Variants in FHIT observed in about 807,000 individuals in gnomAD.
The protein encoded by FHIT is bis(5'-adenosyl)-triphosphatase.
Under a neutral mutation model 17.9 loss-of-function variants are expected in FHIT, and 19 were observed. That is an observed-to-expected ratio of 1.06 (90% confidence interval 0.74 to 1.56). The LOEUF is 1.56. Among genes scored for constraint, FHIT ranks in the 40% most tolerant of loss-of-function variants. The probability of loss-of-function intolerance (pLI) is 0.00; values close to 1 mark genes in which losing one functional copy is unlikely to be tolerated. For synonymous variants in FHIT, 81 were observed against 69.7 expected (o/e 1.16, Z -0.81); for missense variants, 248 against 189.2 (o/e 1.31, Z -1.82).
chr3:60,672,874 C>CATGTGTGTGT (rs71092628), intron 4 of FHIT, among the ~76,000 whole-genome samples: 13,640 of 139,450 alleles, frequency 0.098, 1,219 homozygotes, highest in African/African-American at 0.22. Context: ...CTCTTTGTAG[C>CATGTGTGTGT]GTGTGTGTGT....
At chr3:60,123,246 A>G (rs941612682) in intron 5 of FHIT, among the ~76,000 whole-genome samples, 2 of 152,224 alleles carry the variant, frequency 1.3e-5, no homozygotes, top group Non-Finnish European at 2.9e-5. Flanking sequence ...AGTAGTACAA[A>G]TGAGAAGCAC....
At chr3:60,172,802 G>A (rs1019950940) in intron 5 of FHIT, among the ~76,000 whole-genome samples, 1 of 152,118 alleles carries the variant, frequency 6.6e-6, no homozygotes, top group Non-Finnish European at 1.5e-5. Context: ...CAGGAAAGAG[G>A]TCTTCTGTCT....
intron 7 of FHIT, among the ~76,000 whole-genome samples, chr3:59,964,283 T>C (rs1427911976): frequency 6.6e-6 from 1 of 152,188 alleles, no homozygotes; most frequent in Non-Finnish European, 1.5e-5. Context: ...TGAAATTAGC[T>C]TGAAATTTGG....
intron 2 of FHIT, among the ~76,000 whole-genome samples, chr3:61,101,845 GCTCT>G (rs750459065): frequency 1.3e-4 from 20 of 151,970 alleles, no homozygotes; most frequent in Non-Finnish European, 2.5e-4. Context: ...TTATGATTTA[GCTCT>G]CTGTTTGTCT....
At position 61,072,504 on chromosome 3, in the gene FHIT, C is replaced by T. The variant is rs541340812; in HGVS notation, c.-163-30405G>A. 4.6e-5 allele frequency among the ~76,000 whole-genome samples: 7 copies of T among 152,238 alleles called. No homozygotes were observed. The South Asian group carries it at 1.0e-3, about 23-fold the overall frequency. On this transcript the variant is annotated intron_variant, in intron 2 of 9. Coordinates refer to ENST00000492590, the MANE Select transcript of FHIT (RefSeq NM_002012.4). ...CACCCAGAAGGATGAGTATTCATTGCCGTTTCTGGCCTTCAGACACTGAGG... is the reference window on the plus strand; with the variant it reads ...CACCCAGAAGGATGAGTATTCATTGTCGTTTCTGGCCTTCAGACACTGAGG...
chr3:60,830,063 C>G (rs1702278451), intron 3 of FHIT, among the ~76,000 whole-genome samples: 1 of 152,104 alleles, frequency 6.6e-6, no homozygotes, highest in Non-Finnish European at 1.5e-5. Context: ...CTGGGCATCC[C>G]TCCACAACTG....
intron 2 of FHIT, among the ~76,000 whole-genome samples, chr3:61,182,641 C>G (rs1028833659): frequency 1.3e-5 from 2 of 152,064 alleles, no homozygotes; most frequent in Non-Finnish European, 2.9e-5. Context: ...TGATAGAATT[C>G]TCAACACCCC....
At chr3:60,340,847 A>G (rs1710479955) in intron 5 of FHIT, among the ~76,000 whole-genome samples, 2 of 152,026 alleles carry the variant, frequency 1.3e-5, no homozygotes, top group African/African-American at 4.8e-5. Flanking sequence ...ATCTGGGACC[A>G]TGCCTGGCTA....
intron 5 of FHIT, among the ~76,000 whole-genome samples, chr3:60,118,035 C>A (rs550211282): frequency 3.3e-5 from 5 of 152,248 alleles, no homozygotes; most frequent in Admixed American, 6.5e-5. Context: ...GAGTTTGAGA[C>A]CAAGGATATT....
intron 3 of FHIT, among the ~76,000 whole-genome samples, chr3:60,893,697 C>G (rs12489327): frequency 6.6e-6 from 1 of 152,162 alleles, no homozygotes; most frequent in East Asian, 1.9e-4. Context: ...TCCTTAATGC[C>G]TAATGACTGC....
At chr3:60,958,879 T>C (rs1709288827) in intron 3 of FHIT, among the ~76,000 whole-genome samples, 1 of 152,186 alleles carries the variant, frequency 6.6e-6, no homozygotes, top group African/African-American at 2.4e-5. Flanking sequence ...GCAATGGAAT[T>C]ATAATCGGAA....
chr3:59,955,841 C>T (rs962994012), intron 7 of FHIT, among the ~76,000 whole-genome samples: 2 of 152,202 alleles, frequency 1.3e-5, no homozygotes, highest in African/African-American at 4.8e-5. Flanking sequence ...CACTGTCTCT[C>T]ATCTGAATGA....
At chr3:59,795,830 G>C (rs562044490) in intron 8 of FHIT, among the ~76,000 whole-genome samples, 1 of 152,326 alleles carries the variant, frequency 6.6e-6, no homozygotes, top group South Asian at 2.1e-4. Flanking sequence ...TGGAAAAAGT[G>C]GCTGCCAGGG....
chr3:60,442,734 C>T (rs1365984787), intron 5 of FHIT, among the ~76,000 whole-genome samples: 5 of 152,058 alleles, frequency 3.3e-5, no homozygotes, highest in African/African-American at 7.2e-5. Context: ...TCTTTTGGCT[C>T]AGGATTGACT....
chr3:60,793,982 A>G (rs1050222534), intron 4 of FHIT, among the ~76,000 whole-genome samples: 3 of 152,230 alleles, frequency 2.0e-5, no homozygotes, highest in Non-Finnish European at 1.5e-5. Context: ...ACCTTCTGCT[A>G]CAGCAAAGAA....
intron 4 of FHIT, among the ~76,000 whole-genome samples, chr3:60,788,356 G>A (rs538290144): frequency 6.6e-6 from 1 of 152,166 alleles, no homozygotes; most frequent in East Asian, 1.9e-4. Context: ...TCCCCTAGGG[G>A]CAATGGTTCA....
chr3:60,620,283 T>C (rs918797302), intron 4 of FHIT, among the ~76,000 whole-genome samples: 3 of 152,160 alleles, frequency 2.0e-5, no homozygotes, highest in Admixed American at 2.0e-4. Context: ...AATCCAGCAA[T>C]TATAATCCTT....
chr3:59,756,546 G>A (rs1234297136), intron 8 of FHIT, among the ~76,000 whole-genome samples: 1 of 152,154 alleles, frequency 6.6e-6, no homozygotes, highest in Non-Finnish European at 1.5e-5. Context: ...ACAGTATTGA[G>A]ACGACATCCT....
chr3:60,791,795 G>GC (rs1265196799), intron 4 of FHIT, among the ~76,000 whole-genome samples: 3 of 152,188 alleles, frequency 2.0e-5, no homozygotes, highest in Admixed American at 6.5e-5. Context: ...CCCCAGTTAA[G>GC]CCCCACTTTT....
Sources: gnomAD v4.1 joint callset for allele counts (sites outside exome capture counted in the v4.1 genomes callset) on GRCh38, gnomAD v4.1.1 for gene constraint, MANE v1.5 for transcripts, NCBI Gene and HGNC (gene_info 2026-07-23, HGNC 2026-07-21) for gene names.